CROCC2: variants seen among roughly 807,000 people sequenced by gnomAD.
CROCC2 encodes ciliary rootlet coiled-coil, rootletin family member 2.
A neutral mutation model predicts 177.6 loss-of-function variants in CROCC2; 163 were observed. The ratio of observed to expected loss-of-function variants is 0.92; its 90% CI spans 0.81 to 1.05. CROCC2 has a LOEUF of 1.05. Ranked by LOEUF, CROCC2 falls within the 50% of genes least tolerant of loss-of-function variation. CROCC2 has a pLI of 0.00. For missense variants in CROCC2, 1,929 were observed against 1,797.8 expected (o/e 1.07, Z -1.32); for synonymous variants, 904 against 787.3 (o/e 1.15, Z -2.48).
chr2:240,992,993 GC>G, intron 31 of CROCC2, 72 bp from the exon 32 acceptor site: 1 of 707,826 alleles, frequency 1.4e-6, no homozygotes, highest in Non-Finnish European at 2.6e-6. Context: ...GGTCCCTCCA[GC>G]CCCCGGCAGC....
chr2:240,988,746 A>G lies in CROCC2; in HGVS notation c.4559A>G (p.Gln1520Arg). 6.8e-7 allele frequency: 1 copy of G among 1,461,886 alleles called. No homozygotes were observed. The highest frequency in any genetic ancestry group is 1.4e-5 in the South Asian group (1 of 69,976). The allele number at this position is 1,461,886 out of a possible 1,614,324, so 90.6% of individuals were successfully genotyped here. The change falls in exon 29 of 32, where the codon CAA (glutamine) becomes CGA (arginine). Residue 1520 changes from glutamine to arginine, a missense_variant. Physicochemically the swap from Gln to Arg is conservative, Grantham distance 43 (BLOSUM62 1). Coordinates refer to ENST00000690015, the MANE Select transcript of CROCC2 (RefSeq NM_001351305.2). ...VSLEPLRQME[Q>R]ETLKREEDVA... ...CTCCTGGGATCTCTGCAGATGGAGC[A>G]AGAGACACTGAAGAGGGAGGAGGAT... is the stretch of plus-strand genomic sequence containing the variant.
At chr2:240,963,906 A>G (rs946726356) in intron 21 of CROCC2, 133 bp downstream of exon 21, 2 of 967,864 alleles carry the variant, frequency 2.1e-6, no homozygotes, top group Non-Finnish European at 3.1e-6. Context: ...TGGGGTAGAC[A>G]TGCCAAGCAG....
At chr2:240,933,592 C>A in intron 10 of CROCC2, 78 bp from the exon 11 acceptor site, 2 of 1,461,520 alleles carry the variant, frequency 1.4e-6, no homozygotes, top group Non-Finnish European at 1.8e-6. Context: ...ATCCACCCAG[C>A]CCCCAATGCC....
At chr2:240,926,609 C>A (rs568997691) in intron 5 of CROCC2, among the ~76,000 whole-genome samples, 1 of 152,110 alleles carries the variant, frequency 6.6e-6, no homozygotes, top group Non-Finnish European at 1.5e-5. Context: ...AGATGTGCTG[C>A]GCCAGGTGGA....
intron 15 of CROCC2, among the ~76,000 whole-genome samples, chr2:240,948,282 T>C (rs1228549551): frequency 1.3e-5 from 2 of 151,970 alleles, no homozygotes; most frequent in Non-Finnish European, 2.9e-5. Flanking sequence ...CCAGAAGGCT[T>C]GGATGTGCTC....
chr2:240,940,931 C>T (rs528195463), intron 14 of CROCC2, among the ~76,000 whole-genome samples: 2 of 152,076 alleles, frequency 1.3e-5, no homozygotes, highest in Non-Finnish European at 2.9e-5. Context: ...ATGATATAAT[C>T]ATATACCTAA....
Position 240,935,595 on chromosome 2 carries a change from A to C in CROCC2, c.2169+7A>C. On this transcript the variant is annotated splice_region_variant and intron_variant, in intron 14 of 31. Transcript: ENST00000690015. ...CCAGGAGCAGGTGGGCCAGGTGAGG[A>C]CGTCTGCAGGGCATGCTGCCGCCGT... 2.9e-6 allele frequency: 4 copies of C among 1,382,416 alleles called. No individual in the cohort carries two copies. The highest frequency in any genetic ancestry group is 3.7e-6 in the Non-Finnish European group (4 of 1,069,564). The allele number at this position is 1,382,416 out of a possible 1,614,324, so 85.6% of individuals were successfully genotyped here.
At chr2:240,948,750 G>A (rs1002192807) in intron 15 of CROCC2, among the ~76,000 whole-genome samples, 8 of 152,190 alleles carry the variant, frequency 5.3e-5, no homozygotes, top group Non-Finnish European at 8.8e-5. Flanking sequence ...GTCCAGTTGC[G>A]TGCGTGGCTT....
chr2:240,923,266 GCC>G lies in CROCC2; in HGVS notation c.488+628_488+629del, dbSNP rs149986018. ...GGAGAGAGTGGCGGAGAGGGACAGA[GCC>G]CCCCCCGCCACCGCTGTCAGTGAGC... On this transcript the variant is annotated intron_variant, in intron 4 of 31. Transcript: ENST00000690015. Among the ~76,000 whole-genome samples, 4 of 151,120 alleles carry G rather than the reference GCC, an allele frequency of 2.6e-5. No homozygotes were observed. The East Asian group carries it at 7.8e-4, about 30-fold the overall frequency.
At chr2:240,976,605 TG>T (rs2059768330) in intron 27 of CROCC2, among the ~76,000 whole-genome samples, 1 of 94,944 alleles carries the variant, frequency 1.1e-5, no homozygotes, top group Non-Finnish European at 2.1e-5. Flanking sequence ...GCTCAGTCTC[TG>T]GGGTAGGAGC....
rs2059808583 is a variant in CROCC2, at chr2:240,982,625, CTT to C, written c.4402-253_4402-252del. ...AGCAGAGAACCTGCCAAGCCCAAGT[CTT>C]TGCCCACGCTAGACCAGACCCCCAG... is the stretch of plus-strand genomic sequence containing the variant. On this transcript the variant is annotated intron_variant, in intron 27 of 31. Coordinates refer to ENST00000690015, the MANE Select transcript of CROCC2 (RefSeq NM_001351305.2). This position sits in a 1 kb window ranked among gnomAD's most constrained non-coding sequence, Gnocchi z 4.7. The C allele has an allele frequency of 5.3e-6, 2 of 374,210 alleles. No individual in the cohort carries two copies. The highest frequency in any genetic ancestry group is 9.5e-6 in the Non-Finnish European group (2 of 209,836). 23.2% of individuals were successfully genotyped at this position (374,210 alleles called of 1,614,324 possible). A position where few individuals can be genotyped will look rare whatever the true frequency, so the allele number is the denominator to read the frequency against.
chr2:240,961,083 G>A (rs1192833946), intron 20 of CROCC2, among the ~76,000 whole-genome samples: 1 of 151,978 alleles, frequency 6.6e-6, no homozygotes, highest in African/African-American at 2.4e-5. Context: ...GGTTAAGGGG[G>A]ACAAGAGGAA....
chr2:240,967,878 T>G (rs2059693994), intron 26 of CROCC2, among the ~76,000 whole-genome samples: 1 of 151,476 alleles, frequency 6.6e-6, no homozygotes, highest in Non-Finnish European at 1.5e-5. Flanking sequence ...AGAGGCCCCT[T>G]CCTTCTGCCC....
chr2:240,919,977 G>T lies in CROCC2; in HGVS notation c.230-6G>T, dbSNP rs771067221. The stretch of plus-strand genomic sequence containing the variant: ...GGCCACCCAGGCTGACCCAGGTACC[G>T]TGCAGCAGGGGTACAGGAGCCGACA... On this transcript the variant is annotated splice_polypyrimidine_tract_variant and splice_region_variant and intron_variant, in intron 2 of 31. Coordinates refer to ENST00000690015, the MANE Select transcript of CROCC2 (RefSeq NM_001351305.2). 2.9e-6 allele frequency: 2 copies of T among 684,208 alleles called. No individual in the cohort carries two copies. Among genetic ancestry groups the T allele is most frequent in the South Asian group, 1.5e-5 (1 of 67,152 alleles). 42.4% of individuals were successfully genotyped at this position (684,208 alleles called of 1,614,324 possible). A position where few individuals can be genotyped will look rare whatever the true frequency, so the allele number is the denominator to read the frequency against.
At chr2:240,907,667 G>A (rs912735104) in intron 1 of CROCC2, among the ~76,000 whole-genome samples, 6 of 152,170 alleles carry the variant, frequency 3.9e-5, no homozygotes, top group East Asian at 1.9e-4. Flanking sequence ...TGAATCAGGC[G>A]ATGCAACAAG....
rs964696278 is a variant in CROCC2, at chr2:240,948,884, G to A, written c.2364-95G>A. 4.4e-6 allele frequency: 5 copies of A among 1,125,918 alleles called. No individual in the cohort carries two copies. In the South Asian group the frequency reaches 6.9e-5, roughly 16 times the overall value. 69.7% of individuals were successfully genotyped at this position (1,125,918 alleles called of 1,614,324 possible). A position where few individuals can be genotyped will look rare whatever the true frequency, so the allele number is the denominator to read the frequency against. On this transcript the variant is annotated intron_variant, in intron 15 of 31. Coordinates refer to ENST00000690015, the MANE Select transcript of CROCC2 (RefSeq NM_001351305.2). ...CATTCTTCCATTTATTTGCATTTCA[G>A]CTGAGTCTCATTAACACCTGTGTAA...
intron 14 of CROCC2, among the ~76,000 whole-genome samples, chr2:240,937,870 C>G (rs1048461031): frequency 1.4e-4 from 21 of 152,168 alleles, no homozygotes; most frequent in African/African-American, 4.8e-4. Flanking sequence ...AGTGAGTTCA[C>G]ACAAGATCTG....
At chr2:240,914,289 C>G (rs1176053331) in intron 1 of CROCC2, among the ~76,000 whole-genome samples, 4 of 152,224 alleles carry the variant, frequency 2.6e-5, no homozygotes, top group African/African-American at 9.6e-5. Context: ...GGTGCCAAGC[C>G]TCACCCTCCT....
Position 240,988,841 on chromosome 2 carries a change from G to T in CROCC2, c.4654G>T (p.Gly1552Ter). The T allele has an allele frequency of 6.7e-7, 1 of 1,497,662 alleles. No homozygotes were observed. The highest frequency in any genetic ancestry group is 1.4e-5 in the African/African-American group (1 of 71,466). 92.8% of individuals were successfully genotyped at this position (1,497,662 alleles called of 1,614,324 possible). The change falls in exon 29 of 32, where the codon GGA (glycine) becomes TGA (stop). Residue 1552 changes from glycine to a stop codon, truncating the protein, a stop_gained. Transcript: ENST00000690015. LOFTEE classifies it high-confidence loss of function. ...GAACAGCCTGCACCAGGAGGTGGAC[G>T]GAGCCCTGAGGCAAAATCAGCAGCT... is the stretch of plus-strand genomic sequence containing the variant. ...SLNSLHQEVD[G>*]ALRQNQQLQA...
Sources: allele counts gnomAD v4.1 joint callset (sites outside exome capture counted in the v4.1 genomes callset), GRCh38; gene constraint gnomAD v4.1.1; non-coding constraint Gnocchi (gnomAD v3.1); transcripts MANE v1.5; gene names NCBI Gene and HGNC (gene_info 2026-07-23, HGNC 2026-07-21).